Variants in PAX2 observed in about 807,000 individuals in gnomAD.
PAX2 encodes the protein paired box protein Pax-2.
PAX2 carries 9 observed loss-of-function variants against 41.7 expected under a neutral mutation model. The observed-to-expected ratio is 0.22, with a 90% CI of 0.13 to 0.38. The LOEUF (loss-of-function observed/expected upper bound fraction) is 0.38. Ranked by LOEUF, PAX2 falls within the 10% of genes least tolerant of loss-of-function variation. The pLI is 1.00. For missense variants in PAX2, 418 were observed against 531.6 expected, an observed-to-expected ratio of 0.79 and a Z score of 2.10; for synonymous variants, 221 against 212.7, an observed-to-expected ratio of 1.04 and a Z score of -0.34.
In PAX2 at chr10:100,828,485, C is replaced by G. The variant is rs1353982621; in HGVS notation, c.*866C>G. Reference sequence around the variant, plus strand: ...CCTGCTGGCCTCCCAGTTTCCCCTCCTGCCAGTCCTTCGCCTGTCCCTTGA... The same window carrying G: ...CCTGCTGGCCTCCCAGTTTCCCCTCGTGCCAGTCCTTCGCCTGTCCCTTGA... On this transcript the variant is annotated 3_prime_UTR_variant, in exon 10 of 10. Coordinates refer to ENST00000355243, the MANE Select transcript of PAX2 (RefSeq NM_000278.5). The surrounding 1 kb of genome is among the most constrained non-coding windows in gnomAD (Gnocchi z 6.5). 1 of 234,144 alleles carries G rather than the reference C, an allele frequency of 4.3e-6. No individual in the cohort carries two copies. Among genetic ancestry groups the G allele is most frequent in the African/African-American group, 2.2e-5 (1 of 45,356 alleles). The allele number at this position is 234,144 out of a possible 1,614,324, so 14.5% of individuals were successfully genotyped here. A position where few individuals can be genotyped will look rare whatever the true frequency, so the allele number is the denominator to read the frequency against.
chr10:100,777,068 A>G (rs1846413582), intron 3 of PAX2, among the ~76,000 whole-genome samples: 1 of 149,968 alleles, frequency 6.7e-6, no homozygotes, highest in African/African-American at 2.5e-5. Flanking sequence ...TAGAGGCTGC[A>G]TTCTGAGTCT....
intron 3 of PAX2, among the ~76,000 whole-genome samples, chr10:100,776,075 C>T (rs921017707): frequency 1.9e-4 from 29 of 152,310 alleles, no homozygotes; most frequent in Non-Finnish European, 2.9e-4. Context: ...CAGTCTCTTC[C>T]TCTTCACTGG....
chr10:100,782,750 T>G (rs1846684100), intron 5 of PAX2, among the ~76,000 whole-genome samples: 1 of 152,246 alleles, frequency 6.6e-6, no homozygotes, highest in East Asian at 1.9e-4. Context: ...TAAATTTCAT[T>G]GTGGTTGTTT....
At chr10:100,801,596 C>T (rs996289783) in intron 5 of PAX2, among the ~76,000 whole-genome samples, 1 of 152,240 alleles carries the variant, frequency 6.6e-6, no homozygotes, top group African/African-American at 2.4e-5. Flanking sequence ...CCCACCCCTG[C>T]TAGTTATGGT....
At chr10:100,804,848 G>A (rs2133946407) in intron 5 of PAX2, among the ~76,000 whole-genome samples, 1 of 152,316 alleles carries the variant, frequency 6.6e-6, no homozygotes, top group East Asian at 1.9e-4. Context: ...GCCTTATGCA[G>A]AAGAAACCAC....
Position 100,791,098 on chromosome 10 carries a change from A to G in PAX2, c.616+9733A>G, listed in dbSNP as rs1201955255. On this transcript the variant is annotated intron_variant, in intron 5 of 9. Transcript: ENST00000355243. This position sits in a 1 kb window ranked among gnomAD's most constrained non-coding sequence, Gnocchi z 4.5. ...TCCCATTCTTGGAGCCCTGTGGCCC[A>G]TCCTCCAGGTGGCTCCTAATTTGGC... Among the ~76,000 whole-genome samples the G allele has an allele frequency of 6.6e-6, 1 of 152,140 alleles. No homozygotes were observed. The highest frequency in any genetic ancestry group is 1.9e-4 in the East Asian group (1 of 5,182).
At chr10:100,793,062 C>T (rs1314026545) in intron 5 of PAX2, among the ~76,000 whole-genome samples, 1 of 152,174 alleles carries the variant, frequency 6.6e-6, no homozygotes, top group Non-Finnish European at 1.5e-5. Context: ...TTGCTTGTGT[C>T]CTTTGAGCTA....
At chr10:100,749,035 T>C in intron 1 of PAX2, 2 of 985,450 alleles carry the variant, frequency 2.0e-6, no homozygotes, top group Non-Finnish European at 2.4e-6. Flanking sequence ...GGCCCCTGCC[T>C]CATCCGCCTT....
In PAX2 at chr10:100,824,347, G is replaced by C. The variant is rs1437940188; in HGVS notation, c.920-301G>C. Among the ~76,000 whole-genome samples, 1 of 89,474 alleles carries C rather than the reference G, an allele frequency of 1.1e-5. No homozygotes were observed. Among genetic ancestry groups the C allele is most frequent in the African/African-American group, 3.8e-5 (1 of 26,542 alleles). 58.7% of individuals were successfully genotyped at this position (89,474 alleles called of 152,430 possible). On this transcript the variant is annotated intron_variant, in intron 7 of 9. Transcript: ENST00000355243. The surrounding 1 kb of genome is among the most constrained non-coding windows in gnomAD (Gnocchi z 6.6). ...TGGAATGCACAGAGACACAGGCAAA[G>C]GCAGATACACACACACACACACACA...
At chr10:100,823,371 G>T (rs1040803274) in intron 7 of PAX2, among the ~76,000 whole-genome samples, 1 of 152,190 alleles carries the variant, frequency 6.6e-6, no homozygotes, top group South Asian at 2.1e-4. Context: ...TCACTCAGAC[G>T]TGTCAAGGTA....
upstream of PAX2, among the ~76,000 whole-genome samples, chr10:100,742,843 CT>C (rs61627823): frequency 2.9e-4 from 12 of 41,250 alleles, no homozygotes; most frequent in South Asian, 1.1e-3. Flanking sequence ...TTCTTTCTTC[CT>C]TTTTTTTTTT....
At position 100,746,259 on chromosome 10, in the gene PAX2, C is replaced by T; in HGVS notation, c.-2C>T. 1 of 1,613,830 alleles carries T rather than the reference C, an allele frequency of 6.2e-7. No individual in the cohort carries two copies. Among genetic ancestry groups the T allele is most frequent in the Non-Finnish European group, 8.5e-7 (1 of 1,179,810 alleles). The stretch of plus-strand genomic sequence containing the variant: ...GCGCTGCTCCCGCTCCTCTGCCTCC[C>T]CATGGATATGCACTGCAAAGCAGAC... On this transcript the variant is annotated 5_prime_UTR_variant, in exon 1 of 10. Transcript: ENST00000355243.
intron 5 of PAX2, 77 bp downstream of exon 5, chr10:100,781,442 C>T: frequency 6.8e-7 from 1 of 1,470,866 alleles, no homozygotes; most frequent in Non-Finnish European, 9.5e-7. Flanking sequence ...TTCGGCCTGG[C>T]CTCGCAGCTG....
At chr10:100,776,447 G>C (rs1367976478) in intron 3 of PAX2, among the ~76,000 whole-genome samples, 1 of 152,160 alleles carries the variant, frequency 6.6e-6, no homozygotes, top group Non-Finnish European at 1.5e-5. Flanking sequence ...CACTGACTTA[G>C]GTGAAACTGA....
rs373266709 is a variant in PAX2, at chr10:100,781,810, G to A, written c.616+445G>A. On this transcript the variant is annotated intron_variant, in intron 5 of 9. Transcript: ENST00000355243. ...CCTTTCTCTTTAACACCTGCACACCGCCCCCAGTTCAAACCTCACAGGGAG... is the reference window on the plus strand; with the variant it reads ...CCTTTCTCTTTAACACCTGCACACCACCCCCAGTTCAAACCTCACAGGGAG... 4.6e-5 allele frequency among the ~76,000 whole-genome samples: 7 copies of A among 152,068 alleles called. No homozygotes were observed. The East Asian group carries it at 7.7e-4, about 17-fold the overall frequency.
chr10:100,768,997 C>T (rs114847050), intron 3 of PAX2, among the ~76,000 whole-genome samples: 64 of 152,350 alleles, frequency 4.2e-4, no homozygotes, highest in African/African-American at 1.5e-3. Flanking sequence ...ATTGCTTTTA[C>T]TATTATTAGA....
Position 100,827,432 on chromosome 10 carries a change from G to A in PAX2, c.1109-111G>A, listed in dbSNP as rs1294595634. ...CTGCCCAGCCAAGGTCTCCCAGTCC[G>A]GATCCCGCTGGACCCCAGCCAGGGG... On this transcript the variant is annotated intron_variant, in intron 9 of 9. Coordinates refer to ENST00000355243, the MANE Select transcript of PAX2 (RefSeq NM_000278.5). This position sits in a 1 kb window ranked among gnomAD's most constrained non-coding sequence, Gnocchi z 8.5. 4.4e-6 allele frequency: 5 copies of A among 1,127,456 alleles called. No homozygotes were observed. The highest frequency in any genetic ancestry group is 6.7e-6 in the Non-Finnish European group (5 of 743,622). The allele number at this position is 1,127,456 out of a possible 1,614,324, so 69.8% of individuals were successfully genotyped here. A position where few individuals can be genotyped will look rare whatever the true frequency, so the allele number is the denominator to read the frequency against.
chr10:100,777,719 C>T (rs572558607), intron 3 of PAX2, among the ~76,000 whole-genome samples: 1 of 152,348 alleles, frequency 6.6e-6, no homozygotes, highest in East Asian at 1.9e-4. Flanking sequence ...GAGTGAGCTA[C>T]TTAAACTTGT....
intron 6 of PAX2, among the ~76,000 whole-genome samples, chr10:100,808,308 C>T (rs1032250701): frequency 3.3e-5 from 5 of 151,948 alleles, no homozygotes; most frequent in Non-Finnish European, 5.9e-5. Context: ...GAGGCAATCC[C>T]GTCCAGCCAT....
Sources: gnomAD v4.1 joint callset for allele counts (sites outside exome capture counted in the v4.1 genomes callset) on GRCh38, gnomAD v4.1.1 for gene constraint, Gnocchi (gnomAD v3.1) non-coding constraint, MANE v1.5 for transcripts, NCBI Gene and HGNC (gene_info 2026-07-23, HGNC 2026-07-21) for gene names.